The following ZNF611 variants were observed in gnomAD, a reference collection of about 807,000 sequenced individuals.
ZNF611 encodes zinc finger protein 611.
In ZNF611, 6 loss-of-function variants were observed where a neutral mutation model predicts 8.9. The observed-to-expected ratio is 0.68, with a 90% CI of 0.37 to 1.34. ZNF611 has a LOEUF of 1.34. ZNF611 is among the 40% of genes most tolerant of loss of function. ZNF611 has a pLI of 0.02. For missense variants in ZNF611, 874 were observed against 841.3 expected (o/e 1.04, Z -0.48); for synonymous variants, 262 against 279.7 (o/e 0.94, Z 0.63).
chr19:52,704,376 T>G lies in ZNF611; in HGVS notation c.*561A>C. 1.6e-6 allele frequency: 1 copy of G among 642,404 alleles called. No individual in the cohort carries two copies. Among genetic ancestry groups the G allele is most frequent in the Non-Finnish European group, 3.0e-6 (1 of 333,534 alleles). The allele number at this position is 642,404 out of a possible 1,614,324, so 39.8% of individuals were successfully genotyped here. A position where few individuals can be genotyped will look rare whatever the true frequency, so the allele number is the denominator to read the frequency against. On this transcript the variant is annotated 3_prime_UTR_variant, in exon 6 of 6. Transcript: ENST00000652185. ...TGTAAGATTTCTGTCCAGTATAGAT[T>G]CTCTGATGTCTAATGACGTGTGAAC...
chr19:52,715,147 A>G (rs1028618037), intron 4 of ZNF611, among the ~76,000 whole-genome samples: 60 of 152,336 alleles, frequency 3.9e-4, no homozygotes, highest in African/African-American at 1.3e-3. Context: ...ACAAAGTCCA[A>G]TGGCTTTCAA....
intron 3 of ZNF611, among the ~76,000 whole-genome samples, chr19:52,726,849 T>C (rs1249411175): frequency 6.6e-6 from 1 of 152,068 alleles, no homozygotes; most frequent in Non-Finnish European, 1.5e-5. Context: ...TCAATTACTT[T>C]CTCTTTTTTT....
intron 5 of ZNF611, chr19:52,711,279 C>T (rs1274633887): frequency 6.6e-6 from 1 of 152,040 alleles, no homozygotes; most frequent in African/African-American, 2.4e-5. Context: ...TTGCGGTGAA[C>T]TCAGATTGTG....
chr19:52,731,126 G>A (rs1452861478), intron 1 of ZNF611, among the ~76,000 whole-genome samples: 3 of 151,638 alleles, frequency 2.0e-5, no homozygotes, highest in South Asian at 2.1e-4. Flanking sequence ...GCCGTGGTGC[G>A]ATCGTGGCTC....
At chr19:52,712,405 A>C (rs1329015570) in intron 5 of ZNF611, among the ~76,000 whole-genome samples, 1 of 133,160 alleles carries the variant, frequency 7.5e-6, no homozygotes, top group Non-Finnish European at 1.5e-5. Context: ...TCATGTTGTC[A>C]GGAGTTCAAG....
chr19:52,705,638 TA>T lies in ZNF611; in HGVS notation c.1416del (p.His472GlnfsTer27). 6.2e-7 allele frequency: 1 copy of T among 1,613,902 alleles called. No individual in the cohort carries two copies. On this transcript the variant is annotated frameshift_variant, in exon 6 of 6. Transcript: ENST00000652185. LOFTEE classifies it low-confidence loss of function (END_TRUNC). ...AFVWSSQLAK[H>X]TRIDCGEKPY... ...GGTTTTTCTCCACAGTCAATTCTAG[TA>T]TGTTTTGCCAGTTGTGAACTCCACA...
At chr19:52,714,516 T>G (rs1302036065) in intron 4 of ZNF611, among the ~76,000 whole-genome samples, 1 of 151,398 alleles carries the variant, frequency 6.6e-6, no homozygotes, top group Non-Finnish European at 1.5e-5. Context: ...GGTGAAAAAC[T>G]GTCTCTCCTA....
intron 3 of ZNF611, among the ~76,000 whole-genome samples, chr19:52,719,093 C>G (rs539123997): frequency 6.6e-6 from 1 of 151,964 alleles, no homozygotes; most frequent in African/African-American, 2.4e-5. Context: ...TGCTTGAACC[C>G]GGGAGGTGGA....
intron 5 of ZNF611, among the ~76,000 whole-genome samples, chr19:52,712,376 A>T (rs762707910): frequency 1.5e-4 from 21 of 143,340 alleles, no homozygotes; most frequent in Non-Finnish European, 3.0e-4. Flanking sequence ...CCAGCTCATT[A>T]GGAAGACGGG....
chr19:52,727,525 C>G (rs981524674), intron 3 of ZNF611, among the ~76,000 whole-genome samples: 2 of 152,122 alleles, frequency 1.3e-5, no homozygotes, highest in African/African-American at 4.8e-5. Context: ...TAGCTTCATC[C>G]CGAGGCAGGG....
chr19:52,734,803 CG>C (rs2062447602), intron 1 of ZNF611, among the ~76,000 whole-genome samples, 197 bp downstream of exon 1: 1 of 152,024 alleles, frequency 6.6e-6, no homozygotes, highest in African/African-American at 2.4e-5. Flanking sequence ...GCAGAAAGAC[CG>C]GGGACGAGAC....
In ZNF611 at chr19:52,705,907, G is replaced by A. The variant is rs370810248; in HGVS notation, c.1148C>T (p.Ser383Leu). 163 of 1,614,024 alleles carry A rather than the reference G, an allele frequency of 1.0e-4. No individual in the cohort carries two copies. The highest frequency in any genetic ancestry group is 1.3e-4 in the Non-Finnish European group (154 of 1,180,026). ...EECDKVFSRK[S>L]TIETHKRIHT... ...AATTCTCTTATGTGTCTCAATGGTT[G>A]ATTTCCGACTGAAAACTTTGTCACA... Residue 383 changes from serine (S) to leucine (L), a missense_variant, in exon 6 of 6, where the codon TCA becomes TTA. Physicochemically the swap from Ser to Leu is moderately radical, Grantham distance 145. Coordinates refer to ENST00000652185, the MANE Select transcript of ZNF611 (RefSeq NM_001161499.2).
chr19:52,715,309 G>T (rs111511692), intron 4 of ZNF611, among the ~76,000 whole-genome samples: 3,241 of 152,130 alleles, frequency 0.021, 118 homozygotes, highest in African/African-American at 0.074. Context: ...ACAAAAATTA[G>T]CTGGGCGTGG....
At chr19:52,724,644 T>C (rs1359798177) in intron 3 of ZNF611, 1 of 152,260 alleles carries the variant, frequency 6.6e-6, no homozygotes, top group African/African-American at 2.4e-5. Context: ...CCATCTCCTC[T>C]GCTCTCCCTG....
chr19:52,715,935 A>G (rs1213520018), intron 3 of ZNF611, 22 bp from the exon 4 acceptor site: 3 of 1,610,092 alleles, frequency 1.9e-6, no homozygotes, highest in Non-Finnish European at 2.5e-6. Flanking sequence ...AAAAAATGAG[A>G]CTTCATGTTA....
intron 1 of ZNF611, among the ~76,000 whole-genome samples, chr19:52,733,448 A>T (rs991835075): frequency 6.6e-6 from 1 of 152,120 alleles, no homozygotes; most frequent in Non-Finnish European, 1.5e-5. Flanking sequence ...GTACAGGTGC[A>T]CACCATTATG....
At chr19:52,727,336 C>G (rs141298267) in intron 3 of ZNF611, among the ~76,000 whole-genome samples, 133 of 152,172 alleles carry the variant, frequency 8.7e-4, no homozygotes, top group Non-Finnish European at 1.7e-3. Context: ...TAAAGGCAAA[C>G]AGCTAAGAGG....
At position 52,730,417 on chromosome 19, in the gene ZNF611, A is replaced by AAAC. The variant is rs2062419009; in HGVS notation, c.-221-413_-221-412insGTT. On this transcript the variant is annotated intron_variant, in intron 1 of 5. Transcript: ENST00000652185. ...AAAAAAAAAAAAAAAAAAAAAAAAA[A>AAAC]AAAAAAACATGATGTAGGCTCCTTG... 2.3e-5 allele frequency among the ~76,000 whole-genome samples: 3 copies of AAAC among 128,920 alleles called. 1 individual carries two copies. Among genetic ancestry groups the AAAC allele is most frequent in the Admixed American group, 7.8e-5 (1 of 12,854 alleles). The allele number at this position is 128,920 out of a possible 152,430, so 84.6% of individuals were successfully genotyped here. A position where few individuals can be genotyped will look rare whatever the true frequency, so the allele number is the denominator to read the frequency against.
In ZNF611 at chr19:52,706,082, C is replaced by T. The variant is rs1401462674; in HGVS notation, c.973G>A (p.Gly325Ser). The T allele has an allele frequency of 1.9e-6, 3 of 1,613,684 alleles. No homozygotes were observed. The highest frequency in any genetic ancestry group is 2.5e-6 in the Non-Finnish European group (3 of 1,179,934). The change falls in exon 6 of 6, where the codon GGT becomes AGT. Residue 325 changes from glycine to serine, a missense_variant. Coordinates refer to ENST00000652185, the MANE Select transcript of ZNF611 (RefSeq NM_001161499.2). ...TCAATTAGAAGGGCTGAATTTTGAC[C>T]AAAGATCTTGCCACACTCATTACAA... is the stretch of plus-strand genomic sequence containing the variant. ...YNCNECGKIF[G>S]QNSALLIDKA...
Sources: allele counts gnomAD v4.1 joint callset (sites outside exome capture counted in the v4.1 genomes callset), GRCh38; gene constraint gnomAD v4.1.1; transcripts MANE v1.5; gene names NCBI Gene and HGNC (gene_info 2026-07-23, HGNC 2026-07-21).